The following BCL2L13 variants were observed in gnomAD, a reference collection of about 807,000 sequenced individuals.
BCL2L13 encodes BCL2 like 13.
A neutral mutation model predicts 25.8 loss-of-function variants in BCL2L13; 13 were observed. The ratio of observed to expected loss-of-function variants is 0.50; its 90% CI spans 0.33 to 0.80. The LOEUF is 0.80. Ranked by LOEUF, BCL2L13 falls within the 30% of genes least tolerant of loss-of-function variation. BCL2L13 has a pLI of 0.02. For synonymous variants in BCL2L13, 244 were observed against 230.3 expected (o/e 1.06, Z -0.54); for missense variants, 504 against 574.9 (o/e 0.88, Z 1.26).
chr22:17,636,078 C>T (rs1456444013), upstream of BCL2L13, among the ~76,000 whole-genome samples: 3 of 151,334 alleles, frequency 2.0e-5, no homozygotes, highest in Non-Finnish European at 2.9e-5. Context: ...AATCCCACCA[C>T]TTTGGGAGTC....
intron 1 of BCL2L13, among the ~76,000 whole-genome samples, chr22:17,646,955 A>ATATATATATT (rs768488873): frequency 4.1e-4 from 9 of 22,186 alleles, no homozygotes; most frequent in Admixed American, 1.3e-3. Flanking sequence ...ATATATATAT[A>ATATATATATT]TTTTTTTTTT....
chr22:17,657,823 C>CTTTTTTTTTTTTT lies in BCL2L13; in HGVS notation c.121+2000_121+2012dup, dbSNP rs71201859. ...GAGCCACCACACCTGGTTGACATTT[C>CTTTTTTTTTTTTT]TTTTTTTTTTTTTTTTTTTTTGAGA... On this transcript the variant is annotated intron_variant, in intron 2 of 6. Transcript: ENST00000317582. Among the ~76,000 whole-genome samples, 32 of 85,762 alleles carry CTTTTTTTTTTTTT rather than the reference C, an allele frequency of 3.7e-4. 3 individuals are homozygous for CTTTTTTTTTTTTT. The highest frequency in any genetic ancestry group is 5.8e-4 in the Admixed American group (3 of 5,212). The allele number at this position is 85,762 out of a possible 152,430, so 56.3% of individuals were successfully genotyped here.
At chr22:17,675,116 T>A (rs2059540828) in intron 2 of BCL2L13, among the ~76,000 whole-genome samples, 1 of 152,016 alleles carries the variant, frequency 6.6e-6, no homozygotes, top group Non-Finnish European at 1.5e-5. Context: ...AAACAGAGGG[T>A]ATATTTAGTT....
At chr22:17,726,610 C>A (rs1205482327) in intron 6 of BCL2L13, 67 bp from the exon 7 acceptor site, 2 of 1,524,918 alleles carry the variant, frequency 1.3e-6, no homozygotes, top group Non-Finnish European at 1.8e-6. Flanking sequence ...AATTTGCTTT[C>A]CAGATTGATG....
At chr22:17,710,645 G>A (rs1240639860) in intron 6 of BCL2L13, among the ~76,000 whole-genome samples, 1 of 151,992 alleles carries the variant, frequency 6.6e-6, no homozygotes, top group Non-Finnish European at 1.5e-5. Context: ...GGGAGGCCGA[G>A]GTGGGCAGAT....
chr22:17,705,540 A>G (rs1011744873), intron 6 of BCL2L13, among the ~76,000 whole-genome samples: 1 of 149,662 alleles, frequency 6.7e-6, no homozygotes, highest in East Asian at 2.0e-4. Context: ...CTCGTGATCC[A>G]CCCGCCTCAG....
In BCL2L13 at chr22:17,730,773, G is replaced by C. The variant is rs1480454965; in HGVS notation, c.*3239G>C. ...AGCTTCTGCCCAAATTCCCACACAAGCATTATCTCGTTTAACATCTCAGCG... is the reference window on the plus strand; with the variant it reads ...AGCTTCTGCCCAAATTCCCACACAACCATTATCTCGTTTAACATCTCAGCG... On this transcript the variant is annotated 3_prime_UTR_variant, in exon 7 of 7. Coordinates refer to ENST00000317582, the MANE Select transcript of BCL2L13 (RefSeq NM_015367.4). The C allele has an allele frequency of 6.6e-6, 1 of 151,862 alleles. No individual in the cohort carries two copies. Among genetic ancestry groups the C allele is most frequent in the Non-Finnish European group, 1.5e-5 (1 of 68,006 alleles). 9.4% of individuals were successfully genotyped at this position (151,862 alleles called of 1,614,324 possible). A position where few individuals can be genotyped will look rare whatever the true frequency, so the allele number is the denominator to read the frequency against.
chr22:17,686,446 T>A (rs5747327), intron 3 of BCL2L13, among the ~76,000 whole-genome samples: 2 of 151,220 alleles, frequency 1.3e-5, no homozygotes, highest in East Asian at 2.0e-4. Context: ...TGAGACCATT[T>A]AAAAAAAATG....
intron 6 of BCL2L13, 102 bp downstream of exon 6, chr22:17,702,488 A>G (rs990306803): frequency 1.3e-5 from 15 of 1,143,998 alleles, no homozygotes; most frequent in Admixed American, 6.9e-5. Flanking sequence ...GCTGGAGTGC[A>G]GTGTCTAATT....
rs993333553 is a variant in BCL2L13, at chr22:17,727,884, A to G, written c.*350A>G. On this transcript the variant is annotated 3_prime_UTR_variant, in exon 7 of 7. Coordinates refer to ENST00000317582, the MANE Select transcript of BCL2L13 (RefSeq NM_015367.4). ...GCTCCACCCACTAGATGCCAGTGGC[A>G]CCCCCTCCCAGAGATGACAAACGAA... The G allele has an allele frequency of 7.9e-5, 22 of 276,854 alleles. No individual in the cohort carries two copies. The highest frequency in any genetic ancestry group is 4.0e-4 in the African/African-American group (19 of 47,384). The allele number at this position is 276,854 out of a possible 1,614,324, so 17.1% of individuals were successfully genotyped here. A position where few individuals can be genotyped will look rare whatever the true frequency, so the allele number is the denominator to read the frequency against.
intron 1 of BCL2L13, among the ~76,000 whole-genome samples, chr22:17,631,617 G>A (rs1390871478): frequency 7.7e-6 from 1 of 130,354 alleles, no homozygotes; most frequent in African/African-American, 3.0e-5. Context: ...TCCCACCTCA[G>A]CTCTTTGTCC....
chr22:17,656,914 G>A (rs1268802089), intron 2 of BCL2L13, among the ~76,000 whole-genome samples: 1 of 152,060 alleles, frequency 6.6e-6, no homozygotes, highest in Non-Finnish European at 1.5e-5. Context: ...TGCCTCCCGG[G>A]TTCAAGCAAT....
chr22:17,629,894 G>A (rs1177345357), intron 1 of BCL2L13, among the ~76,000 whole-genome samples: 1 of 151,690 alleles, frequency 6.6e-6, no homozygotes, highest in Non-Finnish European at 1.5e-5. Context: ...GCAAATTCAG[G>A]AAATTTAGTT....
chr22:17,704,760 T>C, intron 6 of BCL2L13, among the ~76,000 whole-genome samples: 1 of 152,200 alleles, frequency 6.6e-6, no homozygotes, highest in South Asian at 2.1e-4. Flanking sequence ...TGTTATGAAC[T>C]GCACTGAAAT....
rs950019763 is a variant in BCL2L13, at chr22:17,727,770, A to G, written c.*236A>G. 1.7e-6 allele frequency: 1 copy of G among 584,124 alleles called. No homozygotes were observed. The highest frequency in any genetic ancestry group is 1.9e-5 in the African/African-American group (1 of 53,630). 36.2% of individuals were successfully genotyped at this position (584,124 alleles called of 1,614,324 possible). ...TGCTAAATTGAGAATCTTAGGGGTAAAGCACCCCCTCCAGGACCGGGTTTC... is the reference window on the plus strand; with the variant it reads ...TGCTAAATTGAGAATCTTAGGGGTAGAGCACCCCCTCCAGGACCGGGTTTC... On this transcript the variant is annotated 3_prime_UTR_variant, in exon 7 of 7. Coordinates refer to ENST00000317582, the MANE Select transcript of BCL2L13 (RefSeq NM_015367.4).
intron 4 of BCL2L13, chr22:17,695,940 C>A: frequency 7.4e-6 from 3 of 405,392 alleles, no homozygotes; most frequent in East Asian, 3.8e-5. Flanking sequence ...TAACTATTTC[C>A]CAGGCATGCA....
chr22:17,634,255 G>A (rs972266973), upstream of BCL2L13, among the ~76,000 whole-genome samples: 3 of 151,710 alleles, frequency 2.0e-5, no homozygotes, highest in East Asian at 2.0e-4. Flanking sequence ...GAGTGATCTC[G>A]GCTCAACACA....
chr22:17,675,689 C>G (rs2146657769), intron 2 of BCL2L13, among the ~76,000 whole-genome samples: 1 of 152,264 alleles, frequency 6.6e-6, no homozygotes, highest in East Asian at 1.9e-4. Flanking sequence ...GAAGGCAAGT[C>G]CATTAGAGGC....
At chr22:17,681,736 T>C (rs1401385598) in intron 2 of BCL2L13, among the ~76,000 whole-genome samples, 22 of 152,088 alleles carry the variant, frequency 1.4e-4, no homozygotes, top group Non-Finnish European at 1.5e-5. Flanking sequence ...GTGTTTGATT[T>C]AATATAGTCC....
Sources: allele counts gnomAD v4.1 joint callset (sites outside exome capture counted in the v4.1 genomes callset), GRCh38; gene constraint gnomAD v4.1.1; transcripts MANE v1.5; gene names NCBI Gene and HGNC (gene_info 2026-07-23, HGNC 2026-07-21).